TLL1: variants seen among roughly 807,000 people sequenced by gnomAD.
The protein encoded by TLL1 is tolloid-like protein 1.
In TLL1, 49 loss-of-function variants were observed where a neutral mutation model predicts 128.2. The observed-to-expected ratio is 0.38, with a 90% CI of 0.30 to 0.48. The LOEUF is 0.48. Among genes scored for constraint, TLL1 ranks in the 20% least tolerant of loss-of-function variants. The pLI, the probability that TLL1 is intolerant of heterozygous loss-of-function variation, is 0.96. For missense variants in TLL1, 1,123 were observed against 1,242.0 expected (o/e 0.90, Z 1.44); for synonymous variants, 454 against 418.8 (o/e 1.08, Z -1.03).
Position 166,102,881 on chromosome 4 carries a change from C to T in TLL1, c.*2005C>T, listed in dbSNP as rs148659060. ...GCTGATTTATTCCAGTAACTTCTTC[C>T]ATATTTTCTCACTAATCTCCCGTTA... On this transcript the variant is annotated 3_prime_UTR_variant, in exon 21 of 21. Transcript: ENST00000061240. 4.6e-5 allele frequency: 7 copies of T among 151,936 alleles called. No individual in the cohort carries two copies. In the East Asian group the frequency reaches 1.4e-3, roughly 30 times the overall value. The allele number at this position is 151,936 out of a possible 1,614,324, so 9.4% of individuals were successfully genotyped here.
intron 19 of TLL1, among the ~76,000 whole-genome samples, chr4:166,096,311 T>G: frequency 6.7e-6 from 1 of 148,242 alleles, no homozygotes; most frequent in African/African-American, 2.6e-5. Context: ...GGGTGTGCAC[T>G]GCAACAGATA....
chr4:166,014,298 C>T lies in TLL1; in HGVS notation c.918-138C>T. ...ACTTTGATGAAAGTGTTTTGAAAGC[C>T]TGATACACTGCTTAAAGCACACAAG... On this transcript the variant is annotated intron_variant, in intron 7 of 20. Transcript: ENST00000061240. 3 of 1,266,570 alleles carry T rather than the reference C, an allele frequency of 2.4e-6. No individual in the cohort carries two copies. In the South Asian group the frequency reaches 3.6e-5, roughly 15 times the overall value. The allele number at this position is 1,266,570 out of a possible 1,614,324, so 78.5% of individuals were successfully genotyped here. A position where few individuals can be genotyped will look rare whatever the true frequency, so the allele number is the denominator to read the frequency against.
chr4:165,991,050 A>G (rs1736617495), intron 2 of TLL1, among the ~76,000 whole-genome samples: 1 of 152,024 alleles, frequency 6.6e-6, no homozygotes, highest in South Asian at 2.1e-4. Context: ...AGTTATTATA[A>G]GTTGCATTTC....
rs149861698 is a variant in TLL1, at chr4:166,082,315, G to T, written c.2442+4285G>T. ...TCTCAATATCATCCTAAGAGCCAGG[G>T]TTAGTAGAAAGTGTGTCACAAAGGA... On this transcript the variant is annotated intron_variant, in intron 18 of 20. Coordinates refer to ENST00000061240, the MANE Select transcript of TLL1 (RefSeq NM_012464.5). Among the ~76,000 whole-genome samples, 1,138 of 152,206 alleles carry T rather than the reference G, an allele frequency of 7.5e-3. 12 individuals are homozygous for T. The highest frequency in any genetic ancestry group is 0.026 in the African/African-American group (1,065 of 41,532).
chr4:166,057,331 GACCCCC>G, intron 14 of TLL1, 22 bp downstream of exon 14: 2 of 1,613,134 alleles, frequency 1.2e-6, no homozygotes, highest in Non-Finnish European at 1.7e-6. Context: ...CTCCTTCCTG[GACCCCC>G]ACCCCCCACA....
At chr4:166,033,246 G>A (rs764495925) in intron 9 of TLL1, among the ~76,000 whole-genome samples, 1 of 152,054 alleles carries the variant, frequency 6.6e-6, no homozygotes, top group Non-Finnish European at 1.5e-5. Flanking sequence ...AAAGGCAACT[G>A]TTTATTATAA....
At chr4:165,952,647 T>G (rs910569529) in intron 1 of TLL1, among the ~76,000 whole-genome samples, 6 of 152,116 alleles carry the variant, frequency 3.9e-5, no homozygotes, top group Non-Finnish European at 7.4e-5. Context: ...AATAGTGTAC[T>G]CCTTCTAAGG....
At chr4:166,057,806 TC>T (rs748625009) in intron 14 of TLL1, among the ~76,000 whole-genome samples, 1 of 152,100 alleles carries the variant, frequency 6.6e-6, no homozygotes, top group Non-Finnish European at 1.5e-5. Context: ...TTTCTCACTA[TC>T]GTGAGAACAG....
chr4:165,887,562 G>A (rs879231353), intron 1 of TLL1, among the ~76,000 whole-genome samples: 1 of 152,160 alleles, frequency 6.6e-6, no homozygotes, highest in Non-Finnish European at 1.5e-5. Flanking sequence ...AATTGAATTT[G>A]GTTTTGAGAA....
At chr4:165,952,971 C>T (rs752355776) in intron 1 of TLL1, among the ~76,000 whole-genome samples, 12 of 152,048 alleles carry the variant, frequency 7.9e-5, no homozygotes, top group Non-Finnish European at 1.5e-4. Flanking sequence ...CACTTGTGTA[C>T]GTTTACTTAC....
intron 8 of TLL1, among the ~76,000 whole-genome samples, chr4:166,020,955 T>TTA (rs938861026): frequency 1.3e-5 from 2 of 152,224 alleles, no homozygotes; most frequent in African/African-American, 4.8e-5. Flanking sequence ...CAAAGAATAC[T>TTA]TATATAGAGT....
intron 1 of TLL1, among the ~76,000 whole-genome samples, chr4:165,943,123 C>T (rs971006696): frequency 6.6e-6 from 1 of 151,950 alleles, no homozygotes; most frequent in Non-Finnish European, 1.5e-5. Context: ...TATTCATTTC[C>T]TTTACTCAGC....
chr4:165,875,305 A>G (rs761366118), intron 1 of TLL1, among the ~76,000 whole-genome samples: 15 of 152,154 alleles, frequency 9.9e-5, no homozygotes, highest in Non-Finnish European at 1.5e-4. Context: ...AGAGGTGTAC[A>G]CAATGAAGAA....
Position 165,895,389 on chromosome 4 carries a change from G to T in TLL1, c.169+21316G>T, listed in dbSNP as rs576423511. 1.2e-4 allele frequency among the ~76,000 whole-genome samples: 19 copies of T among 152,066 alleles called. No homozygotes were observed. In the South Asian group the frequency reaches 3.9e-3, roughly 32 times the overall value. The stretch of plus-strand genomic sequence containing the variant: ...ATCAGAAATGGAAACTGCCAAAATT[G>T]CCATTGACAATTGCATTAAAATATG... On this transcript the variant is annotated intron_variant, in intron 1 of 20. Transcript: ENST00000061240.
chr4:166,065,912 G>T (rs1740550789), intron 16 of TLL1, 49 bp downstream of exon 16: 1 of 1,580,992 alleles, frequency 6.3e-7, no homozygotes, highest in South Asian at 1.1e-5. Context: ...TTTCAATGTG[G>T]GTTGGATTAA....
chr4:165,949,546 A>G (rs1206341208), intron 1 of TLL1, among the ~76,000 whole-genome samples: 2 of 152,170 alleles, frequency 1.3e-5, no homozygotes, highest in Non-Finnish European at 2.9e-5. Context: ...CTGCTGATAA[A>G]GACATACCCG....
At chr4:165,976,405 T>G (rs1266097777) in intron 1 of TLL1, among the ~76,000 whole-genome samples, 1 of 152,216 alleles carries the variant, frequency 6.6e-6, no homozygotes, top group Non-Finnish European at 1.5e-5. Flanking sequence ...AGGAAGAAAC[T>G]TACATTCCCT....
rs1207210631 is a variant in TLL1, at chr4:166,102,098, A to AT, written c.*1223dup. On this transcript the variant is annotated 3_prime_UTR_variant, in exon 21 of 21. Transcript: ENST00000061240. The stretch of plus-strand genomic sequence containing the variant: ...AAGACTTGTCAAATATATCAAGAGT[A>AT]TATCATTGCAAGGGCAGCACTTGTC... 2 of 152,494 alleles carry AT rather than the reference A, an allele frequency of 1.3e-5. No homozygotes were observed. Among genetic ancestry groups the AT allele is most frequent in the African/African-American group, 4.8e-5 (2 of 41,456 alleles). 9.4% of individuals were successfully genotyped at this position (152,494 alleles called of 1,614,324 possible). A position where few individuals can be genotyped will look rare whatever the true frequency, so the allele number is the denominator to read the frequency against.
chr4:166,007,950 G>C lies in TLL1; in HGVS notation c.819G>C (p.Glu273Asp), dbSNP rs17590218. Residue 273 changes from glutamate (E) to aspartate (D), a missense_variant, in exon 7 of 21, where the codon GAG becomes GAC. Around this residue, in one of 3 missense-constraint regions of TLL1, gnomAD observed 480 missense variants for 542.4 expected, o/e 0.89. Coordinates refer to ENST00000061240, the MANE Select transcript of TLL1 (RefSeq NM_012464.5). ...IIRENIQPGQ[E>D]YNFLKMEPGE... is the part of the protein sequence containing the mutation. Reference sequence around the variant, plus strand: ...TTTATCCCTGGTTCTTAGGTCAAGAGTACAATTTTCTGAAGATGGAGCCTG... The same window carrying C: ...TTTATCCCTGGTTCTTAGGTCAAGACTACAATTTTCTGAAGATGGAGCCTG... 1 of 1,607,112 alleles carries C rather than the reference G, an allele frequency of 6.2e-7. No homozygotes were observed.
Sources: gnomAD v4.1 joint callset for allele counts (sites outside exome capture counted in the v4.1 genomes callset) on GRCh38, gnomAD v4.1.1 for gene constraint, gnomAD v4.1.1 regional missense constraint, MANE v1.5 for transcripts, NCBI Gene and HGNC (gene_info 2026-07-23, HGNC 2026-07-21) for gene names.